RECK: variants seen among roughly 807,000 people sequenced by gnomAD.
The protein encoded by RECK is reversion inducing cysteine rich protein with kazal motifs, also known as reversion-inducing cysteine-rich protein with Kazal motifs.
Under a neutral mutation model 115.1 loss-of-function variants are expected in RECK, and 69 were observed. The observed-to-expected ratio is 0.60, with a 90% CI of 0.49 to 0.73. The LOEUF (loss-of-function observed/expected upper bound fraction) is 0.73, where lower values mean the gene tolerates loss of function less well. Among genes scored for constraint, RECK ranks in the 30% least tolerant of loss-of-function variants. The pLI, the probability that RECK is intolerant of heterozygous loss-of-function variation, is 0.00. For synonymous variants in RECK, 414 were observed against 419.7 expected (o/e 0.99, Z 0.17); for missense variants, 1,047 against 1,203.7 (o/e 0.87, Z 1.93).
rs370216203 is a variant in RECK at position 36,087,933 on chromosome 9, T to C, written c.877T>C (p.Cys293Arg). Reference sequence around the variant, plus strand: ...CCTCGATGGGGCTAAATTGCATTGTTGTTCTAAAGCAAACACTTCAACATG... The same window carrying C: ...CCTCGATGGGGCTAAATTGCATTGTCGTTCTAAAGCAAACACTTCAACATG... The part of the protein sequence containing the change: ...TGLDGAKLHC[C>R]SKANTSTCRE... The change falls in exon 9 of 21, where the codon TGT (cysteine) becomes CGT (arginine). Residue 293 changes from cysteine (C) to arginine (R), a missense_variant. Transcript: ENST00000377966. The C allele has an allele frequency of 8.7e-6, 14 of 1,613,462 alleles. No individual in the cohort carries two copies. The African/African-American group carries it at 1.9e-4, about 22-fold the overall frequency.
At chr9:36,054,273 T>C (rs1821429336) in intron 2 of RECK, among the ~76,000 whole-genome samples, 1 of 152,106 alleles carries the variant, frequency 6.6e-6, no homozygotes, top group Non-Finnish European at 1.5e-5. Context: ...AGGGAAAAGA[T>C]ATGGTTTGAG....
chr9:36,057,151 T>TAA (rs34821500), intron 2 of RECK: 84 of 155,902 alleles, frequency 5.4e-4, no homozygotes, highest in Non-Finnish European at 3.0e-4. Flanking sequence ...CAGCATCAAT[T>TAA]AAAAAAAAAA....
Position 36,054,492 on chromosome 9 carries a change from C to A in RECK, c.159+2169C>A, listed in dbSNP as rs1355194244. 4.8e-5 allele frequency among the ~76,000 whole-genome samples: 6 copies of A among 125,326 alleles called. No homozygotes were observed. The South Asian group carries it at 1.2e-3, about 26-fold the overall frequency. 82.2% of individuals were successfully genotyped at this position (125,326 alleles called of 152,430 possible). A position where few individuals can be genotyped will look rare whatever the true frequency, so the allele number is the denominator to read the frequency against. ...GGAGTTTGAGATCTGAGAAAAGGCCCTTAGTTTAAAAAAAAAAAAAAAAAA... is the reference window on the plus strand; with the variant it reads ...GGAGTTTGAGATCTGAGAAAAGGCCATTAGTTTAAAAAAAAAAAAAAAAAA... On this transcript the variant is annotated intron_variant, in intron 2 of 20. Coordinates refer to ENST00000377966, the MANE Select transcript of RECK (RefSeq NM_021111.3).
chr9:36,058,857 A>AG lies in RECK; in HGVS notation c.190_191insG (p.Lys64ArgfsTer17). 6.3e-7 allele frequency: 1 copy of AG among 1,597,284 alleles called. No homozygotes were observed. The highest frequency in any genetic ancestry group is 8.5e-7 in the Non-Finnish European group (1 of 1,170,508). On this transcript the variant is annotated frameshift_variant, in exon 3 of 21. Transcript: ENST00000377966. LOFTEE classifies it high-confidence loss of function. Reference sequence around the variant, plus strand: ...CTCCTCAAAAAGTGAATCCCGACTAAAACATCTGTTGCAGCGAGCCCCAGA... The same window carrying AG: ...CTCCTCAAAAAGTGAATCCCGACTAAGAACATCTGTTGCAGCGAGCCCCAGA...
chr9:36,106,142 G>A (rs1424575189), intron 13 of RECK, among the ~76,000 whole-genome samples: 5 of 150,396 alleles, frequency 3.3e-5, no homozygotes, highest in Non-Finnish European at 7.4e-5. Flanking sequence ...CCCGGGAGGC[G>A]GAGCTTGCAG....
At chr9:36,122,625 A>G (rs1171070344) in intron 20 of RECK, among the ~76,000 whole-genome samples, 199 bp from the exon 21 acceptor site, 1 of 152,148 alleles carries the variant, frequency 6.6e-6, no homozygotes, top group Non-Finnish European at 1.5e-5. Context: ...TTCTGGTTTG[A>G]TTTCCATTAA....
At chr9:36,070,815 T>A (rs1477211911) in intron 6 of RECK, among the ~76,000 whole-genome samples, 1 of 152,192 alleles carries the variant, frequency 6.6e-6, no homozygotes, top group Non-Finnish European at 1.5e-5. Context: ...ACACTTGTTT[T>A]GATTGTGGGG....
chr9:36,059,970 TAGC>T, intron 3 of RECK, 146 bp from the exon 4 acceptor site: 1 of 656,998 alleles, frequency 1.5e-6, no homozygotes, highest in Non-Finnish European at 2.7e-6. Context: ...TCCCCCCGAA[TAGC>T]TGATTGATGT....
At chr9:36,104,323 TA>T in intron 12 of RECK, among the ~76,000 whole-genome samples, 1 of 62,974 alleles carries the variant, frequency 1.6e-5, no homozygotes, top group Non-Finnish European at 2.6e-5. Context: ...TATATATATA[TA>T]TATTTTTTTT....
chr9:36,062,787 A>C (rs1409110433), intron 4 of RECK, among the ~76,000 whole-genome samples: 5 of 151,962 alleles, frequency 3.3e-5, no homozygotes, highest in South Asian at 2.1e-4. Context: ...CCTATCTCCT[A>C]CTTTTGCCTT....
intron 6 of RECK, among the ~76,000 whole-genome samples, chr9:36,074,242 G>A (rs968197135): frequency 6.6e-6 from 1 of 152,068 alleles, no homozygotes; most frequent in African/African-American, 2.4e-5. Flanking sequence ...ATGTTTACAT[G>A]TCTCTTTTTA....
intron 10 of RECK, among the ~76,000 whole-genome samples, chr9:36,093,536 A>G (rs1057064610): frequency 1.3e-5 from 2 of 152,196 alleles, no homozygotes; most frequent in African/African-American, 2.4e-5. Flanking sequence ...ATTGTAGGGA[A>G]TGGAAAATAG....
rs1588317430 is a variant in RECK, at chr9:36,091,191, G to A, written c.933G>A (p.Met311Ile). The A allele has an allele frequency of 6.2e-7, 1 of 1,614,066 alleles. No homozygotes were observed. Among genetic ancestry groups the A allele is most frequent in the East Asian group, 2.2e-5 (1 of 44,870 alleles). The change falls in exon 10 of 21, where the codon ATG becomes ATA. Residue 311 changes from methionine (M) to isoleucine (I), a missense_variant. Coordinates refer to ENST00000377966, the MANE Select transcript of RECK (RefSeq NM_021111.3). ...AACTCTGCACTAAACTTTACAGCAT[G>A]AGCTGGGGCAATACACAGAGTTGGC... ...CRELCTKLYS[M>I]SWGNTQSWQE...
At chr9:36,102,273 T>A (rs1254958889) in intron 12 of RECK, 43 bp downstream of exon 12, 4 of 1,505,376 alleles carry the variant, frequency 2.7e-6, no homozygotes, top group Non-Finnish European at 3.6e-6. Flanking sequence ...TTCAAATACT[T>A]CTCTCTTCCA....
intron 6 of RECK, among the ~76,000 whole-genome samples, chr9:36,078,703 T>C (rs1357506254): frequency 6.6e-6 from 1 of 151,886 alleles, no homozygotes; most frequent in Admixed American, 6.6e-5. Context: ...CAACCCAAGA[T>C]AGCCACCAAG....
intron 9 of RECK, among the ~76,000 whole-genome samples, chr9:36,089,967 T>TACACACAC (rs55678229): frequency 0.028 from 4,024 of 143,834 alleles, 175 homozygotes; most frequent in African/African-American, 0.092. Flanking sequence ...CTACTAAAAA[T>TACACACAC]ACACACACAC....
chr9:36,062,905 C>G (rs113089410), intron 4 of RECK, among the ~76,000 whole-genome samples: 3,805 of 152,124 alleles, frequency 0.025, 168 homozygotes, highest in African/African-American at 0.087. Context: ...GAGGTCAAGG[C>G]AAGCACATTA....
intron 10 of RECK, among the ~76,000 whole-genome samples, chr9:36,093,529 G>A (rs1823238197): frequency 6.6e-6 from 1 of 152,118 alleles, no homozygotes; most frequent in South Asian, 2.1e-4. Context: ...TAAATTTATT[G>A]TAGGGAATGG....
chr9:36,049,122 G>T (rs1465112154), intron 1 of RECK, among the ~76,000 whole-genome samples: 1 of 152,196 alleles, frequency 6.6e-6, no homozygotes, highest in African/African-American at 2.4e-5. Context: ...AGGAGGGAAT[G>T]CAGAGCTTCT....
Sources: allele counts gnomAD v4.1 joint callset (sites outside exome capture counted in the v4.1 genomes callset), GRCh38; gene constraint gnomAD v4.1.1; transcripts MANE v1.5; gene names NCBI Gene and HGNC (gene_info 2026-07-23, HGNC 2026-07-21).